Variants in MAGI1 observed in about 807,000 individuals in gnomAD.
MAGI1 encodes membrane associated guanylate kinase, WW and PDZ domain containing 1, also known as membrane-associated guanylate kinase, WW and PDZ domain-containing protein 1.
Under a neutral mutation model 139.9 loss-of-function variants are expected in MAGI1, and 58 were observed. That is an observed-to-expected ratio of 0.41 (90% CI 0.34 to 0.52). The LOEUF (loss-of-function observed/expected upper bound fraction) is 0.52. Ranked by LOEUF, MAGI1 falls within the 20% of genes least tolerant of loss-of-function variation. MAGI1 has a pLI of 0.12. For missense variants in MAGI1, 1,874 were observed against 1,901.6 expected, an observed-to-expected ratio of 0.99 and a Z score of 0.27; for synonymous variants, 812 against 737.9, an observed-to-expected ratio of 1.10 and a Z score of -1.63.
In MAGI1 at chr3:65,810,020, A is replaced by T. The variant is rs577112257; in HGVS notation, c.314-187932T>A. Among the ~76,000 whole-genome samples, 115 of 152,064 alleles carry T rather than the reference A, an allele frequency of 7.6e-4. 1 individual carries two copies. Among genetic ancestry groups the T allele is most frequent in the African/African-American group, 2.7e-3 (112 of 41,476 alleles). ...CTCTCTCACACACACACACAGACAC[A>T]CACTTCTCTATCATTTTCTTTTATT... On this transcript the variant is annotated intron_variant, in intron 1 of 22. Transcript: ENST00000402939.
chr3:65,951,032 G>GAAGGA (rs1560047341), intron 1 of MAGI1, among the ~76,000 whole-genome samples: 1 of 75,466 alleles, frequency 1.3e-5, no homozygotes, highest in Non-Finnish European at 3.4e-5. Flanking sequence ...AGGAAGGAAG[G>GAAGGA]AAGGAAAGGA....
intron 22 of MAGI1, chr3:65,360,152 A>T (rs1940667592): frequency 1.0e-6 from 1 of 985,250 alleles, no homozygotes; most frequent in Non-Finnish European, 1.2e-6. Context: ...CTTGAGCTGC[A>T]TCTGAATTAA....
intron 1 of MAGI1, among the ~76,000 whole-genome samples, chr3:65,921,897 C>T (rs1221836479): frequency 2.7e-5 from 4 of 149,940 alleles, no homozygotes; most frequent in Admixed American, 1.3e-4. Flanking sequence ...CAGAGTGAGA[C>T]CCTATCTCCA....
chr3:65,588,809 T>C (rs1444587355), intron 2 of MAGI1, among the ~76,000 whole-genome samples: 1 of 152,218 alleles, frequency 6.6e-6, no homozygotes, highest in Non-Finnish European at 1.5e-5. Flanking sequence ...TAAATTTTTA[T>C]TGAACGAATG....
intron 12 of MAGI1, among the ~76,000 whole-genome samples, chr3:65,407,754 AT>A (rs1326558870): frequency 2.6e-5 from 4 of 152,218 alleles, no homozygotes; most frequent in African/African-American, 9.6e-5. Context: ...AGTAATTCAT[AT>A]TCTTATTTTC....
intron 1 of MAGI1, among the ~76,000 whole-genome samples, chr3:65,781,321 T>C (rs566904171): frequency 1.3e-4 from 20 of 152,354 alleles, no homozygotes; most frequent in African/African-American, 4.8e-4. Flanking sequence ...TCATTGAGTA[T>C]ACTTACATGT....
At chr3:65,615,646 G>A (rs951540917) in intron 2 of MAGI1, among the ~76,000 whole-genome samples, 10 of 152,204 alleles carry the variant, frequency 6.6e-5, no homozygotes, top group African/African-American at 1.9e-4. Flanking sequence ...GAACCTTCCC[G>A]CTTCCCTCAC....
At chr3:65,729,012 A>G (rs1235538623) in intron 1 of MAGI1, among the ~76,000 whole-genome samples, 2 of 151,712 alleles carry the variant, frequency 1.3e-5, no homozygotes, top group African/African-American at 4.8e-5. Flanking sequence ...TGATCTGATT[A>G]AATCAAGTTT....
intron 1 of MAGI1, among the ~76,000 whole-genome samples, chr3:65,996,624 C>T (rs978130814): frequency 1.3e-5 from 2 of 151,928 alleles, no homozygotes; most frequent in Non-Finnish European, 2.9e-5. Flanking sequence ...GTCAGACTTC[C>T]GCTCGCTTCA....
At chr3:65,716,883 T>C (rs1576860498) in intron 1 of MAGI1, among the ~76,000 whole-genome samples, 1 of 152,322 alleles carries the variant, frequency 6.6e-6, no homozygotes, top group African/African-American at 2.4e-5. Context: ...TTGCAGCAAC[T>C]GGAAGTCAAA....
intron 2 of MAGI1, among the ~76,000 whole-genome samples, chr3:65,545,974 T>TCACACACA (rs926687949): frequency 2.7e-5 from 4 of 146,024 alleles, no homozygotes; most frequent in African/African-American, 1.0e-4. Flanking sequence ...GGGTATGATC[T>TCACACACA]CACACACACA....
chr3:65,757,166 G>C (rs2036629233), intron 1 of MAGI1, among the ~76,000 whole-genome samples: 1 of 152,132 alleles, frequency 6.6e-6, no homozygotes, highest in African/African-American at 2.4e-5. Flanking sequence ...ATATTTGATT[G>C]TCTATGTTAA....
chr3:65,911,110 G>A (rs918187819), intron 1 of MAGI1, among the ~76,000 whole-genome samples: 1 of 151,100 alleles, frequency 6.6e-6, no homozygotes, highest in African/African-American at 2.4e-5. Flanking sequence ...CGCCTGCCTC[G>A]GCCTCCCAAA....
chr3:65,434,770 T>G (rs1458076848), intron 10 of MAGI1, among the ~76,000 whole-genome samples: 1 of 152,170 alleles, frequency 6.6e-6, no homozygotes, highest in Admixed American at 6.6e-5. Flanking sequence ...ATCAGTTATA[T>G]TCCAAAGATT....
At chr3:65,568,683 G>A (rs1171987623) in intron 2 of MAGI1, among the ~76,000 whole-genome samples, 1 of 152,214 alleles carries the variant, frequency 6.6e-6, no homozygotes, top group Admixed American at 6.5e-5. Flanking sequence ...TCCCAAAGGA[G>A]AAGGATTGCT....
At chr3:65,359,660 A>T (rs1940597091) in intron 22 of MAGI1, 1 of 988,344 alleles carries the variant, frequency 1.0e-6, no homozygotes, top group South Asian at 4.6e-5. Flanking sequence ...TAATCAATGG[A>T]ATTAGAGAGA....
intron 2 of MAGI1, among the ~76,000 whole-genome samples, chr3:65,567,041 G>C (rs1360551888): frequency 7.0e-6 from 1 of 142,686 alleles, no homozygotes; most frequent in Non-Finnish European, 1.5e-5. Context: ...CTTGTAAAAA[G>C]TATGAAAAGG....
intron 8 of MAGI1, among the ~76,000 whole-genome samples, chr3:65,440,913 TATACAC>T (rs1559556320): frequency 7.3e-5 from 11 of 150,588 alleles, no homozygotes; most frequent in Non-Finnish European, 1.2e-4. Flanking sequence ...TGTATATATA[TATACAC>T]ACACACACAT....
Position 65,356,543 on chromosome 3 carries a change from C to G in MAGI1, c.4224G>C (p.Glu1408Asp), listed in dbSNP as rs1165097024. The G allele has an allele frequency of 1.2e-6, 2 of 1,609,524 alleles. No homozygotes were observed. The highest frequency in any genetic ancestry group is 1.7e-6 in the Non-Finnish European group (2 of 1,179,750). ...TGTCCAGGGACCGCTCTCTCCTGCG[C>G]TCGGGGGAGCGTGCGCGCCTCCGGT... Reference protein sequence around the residue: ...STDRRRARSPERRRERSLDKR... With the variant: ...STDRRRARSPDRRRERSLDKR... Residue 1408 changes from glutamate (E) to aspartate (D), a missense_variant, in exon 23 of 23, where the codon GAG (glutamate) becomes GAC (aspartate). By Grantham distance (45) the Glu-to-Asp change is conservative. Coordinates refer to ENST00000402939, the MANE Select transcript of MAGI1 (RefSeq NM_001033057.2).
Sources: allele counts gnomAD v4.1 joint callset (sites outside exome capture counted in the v4.1 genomes callset), GRCh38; gene constraint gnomAD v4.1.1; transcripts MANE v1.5; gene names NCBI Gene and HGNC (gene_info 2026-07-23, HGNC 2026-07-21).